Variants in SLC5A12 observed in about 807,000 individuals in gnomAD.
The protein encoded by SLC5A12 is sodium-coupled monocarboxylate transporter 2.
In SLC5A12, 46 loss-of-function variants were observed where a neutral mutation model predicts 72.7. That is an observed-to-expected ratio of 0.63 (90% CI 0.50 to 0.81). The LOEUF is 0.81. Among genes scored for constraint, SLC5A12 ranks in the 30% least tolerant of loss-of-function variants. The pLI, the probability that SLC5A12 is intolerant of heterozygous loss-of-function variation, is 0.00. For missense variants in SLC5A12, 683 were observed against 740.7 expected (o/e 0.92, Z 0.90); for synonymous variants, 275 against 264.4 (o/e 1.04, Z -0.39).
chr11:26,712,641 C>G lies in SLC5A12; in HGVS notation c.405G>C (p.Thr135=). Residue 135 remains threonine, a splice_region_variant and synonymous_variant, in exon 2 of 15, where the codon ACG becomes ACC. Transcript: ENST00000396005. ...YAATVIYIVQ[T]ILYTGVVVYA... ...ATCTGCAGCAGCCATGACCACTTAC[C>G]GTCTGTACAATGTAGATGACCGTGG... is the stretch of plus-strand genomic sequence containing the variant. 1 of 1,545,670 alleles carries G rather than the reference C, an allele frequency of 6.5e-7. No homozygotes were observed. Among genetic ancestry groups the G allele is most frequent in the Non-Finnish European group, 8.8e-7 (1 of 1,132,066 alleles).
chr11:26,680,283 T>TTATATATATGTATATATATTCATA lies in SLC5A12; in HGVS notation c.1475+748_1475+771dup, dbSNP rs199583180. Among the ~76,000 whole-genome samples the TTATATATATGTATATATATTCATA allele has an allele frequency of 2.1e-4, 16 of 74,884 alleles. 1 individual carries two copies. In the East Asian group the frequency reaches 4.5e-3, roughly 21 times the overall value. 49.1% of individuals were successfully genotyped at this position (74,884 alleles called of 152,430 possible). A position where few individuals can be genotyped will look rare whatever the true frequency, so the allele number is the denominator to read the frequency against. On this transcript the variant is annotated intron_variant, in intron 12 of 14. Transcript: ENST00000396005. ...TATTAAAGTCACGTGTAGTGCTACT[T>TTATATATATGTATATATATTCATA]TATATATATGTATATATATTCATAT...
intron 6 of SLC5A12, among the ~76,000 whole-genome samples, chr11:26,700,303 A>G (rs1182228228): frequency 2.6e-5 from 4 of 152,192 alleles, no homozygotes; most frequent in Non-Finnish European, 5.9e-5. Context: ...TTCGTTTCTC[A>G]TTTAAAATGG....
chr11:26,676,225 T>C (rs1016799047), intron 13 of SLC5A12, among the ~76,000 whole-genome samples: 4 of 152,128 alleles, frequency 2.6e-5, no homozygotes, highest in Non-Finnish European at 5.9e-5. Context: ...TTTTTTATGT[T>C]AAGAGATAGA....
Position 26,667,275 on chromosome 11 carries a change from T to G in SLC5A12, c.*3827A>C, listed in dbSNP as rs1854017229. The G allele has an allele frequency of 6.6e-6, 1 of 151,938 alleles. No homozygotes were observed. The highest frequency in any genetic ancestry group is 2.4e-5 in the African/African-American group (1 of 41,436). 9.4% of individuals were successfully genotyped at this position (151,938 alleles called of 1,614,324 possible). On this transcript the variant is annotated 3_prime_UTR_variant, in exon 15 of 15. Transcript: ENST00000396005. Reference sequence around the variant, plus strand: ...AACTTCTGTAATAATTTAAAACAATTTATTTCAAAGGGAACAATTAAGGGG... The same window carrying G: ...AACTTCTGTAATAATTTAAAACAATGTATTTCAAAGGGAACAATTAAGGGG...
At chr11:26,720,781 T>G (rs1481252142) in intron 1 of SLC5A12, among the ~76,000 whole-genome samples, 3 of 142,714 alleles carry the variant, frequency 2.1e-5, no homozygotes, top group Non-Finnish European at 4.6e-5. Flanking sequence ...ATTCCCATAT[T>G]TGTATTATTT....
At chr11:26,673,575 G>A in intron 13 of SLC5A12, 46 bp from the exon 14 acceptor site, 1 of 1,519,324 alleles carries the variant, frequency 6.6e-7, no homozygotes, top group South Asian at 1.4e-5. Context: ...AGGCCTCCAT[G>A]TCTTCCTTTA....
intron 1 of SLC5A12, among the ~76,000 whole-genome samples, chr11:26,717,787 GTC>G (rs1239008844): frequency 2.6e-5 from 4 of 152,168 alleles, no homozygotes; most frequent in African/African-American, 9.6e-5. Context: ...ATGGAGAGAG[GTC>G]TGACATGGCC....
At position 26,698,411 on chromosome 11, in the gene SLC5A12, C is replaced by A. The variant is rs1212324714; in HGVS notation, c.946G>T (p.Asp316Tyr). The A allele has an allele frequency of 6.2e-7, 1 of 1,613,620 alleles. No homozygotes were observed. Among genetic ancestry groups the A allele is most frequent in the Non-Finnish European group, 8.5e-7 (1 of 1,179,840 alleles). The change falls in exon 7 of 15, where the codon GAC becomes TAC. Residue 316 changes from aspartate (D) to tyrosine (Y), a missense_variant. Physicochemically the swap from Asp to Tyr is radical, Grantham distance 160. Coordinates refer to ENST00000396005, the MANE Select transcript of SLC5A12 (RefSeq NM_178498.4). ...PWTSGIISAP[D>Y]QLMPYFVMEI... ...GTCCTCAAGAAAACCCATACCTGGT[C>A]TGGTGCTGAGATGATGCCAGAAGTC...
rs775981214 is a variant in SLC5A12 at position 26,667,034 on chromosome 11, C to T, written c.*4068G>A. On this transcript the variant is annotated 3_prime_UTR_variant, in exon 15 of 15. Transcript: ENST00000396005. ...CCCATTAGTAATTTACTATCAATGACGAGTTACATTTTATTAGTTTATAAA... is the reference window on the plus strand; with the variant it reads ...CCCATTAGTAATTTACTATCAATGATGAGTTACATTTTATTAGTTTATAAA... The T allele has an allele frequency of 1.1e-4, 16 of 151,822 alleles. No individual in the cohort carries two copies. The highest frequency in any genetic ancestry group is 2.9e-4 in the African/African-American group (12 of 41,496). 9.4% of individuals were successfully genotyped at this position (151,822 alleles called of 1,614,324 possible).
At chr11:26,686,987 C>G (rs537143236) in intron 9 of SLC5A12, among the ~76,000 whole-genome samples, 30 of 152,288 alleles carry the variant, frequency 2.0e-4, no homozygotes, top group African/African-American at 6.7e-4. Context: ...ATAATGTCTA[C>G]ACATTCTACC....
chr11:26,671,319 T>C (rs1374346292), intron 14 of SLC5A12, 68 bp from the exon 15 acceptor site: 24 of 1,416,532 alleles, frequency 1.7e-5, no homozygotes, highest in South Asian at 1.6e-4. Flanking sequence ...CCTGAGAGAA[T>C]CTTGTTTAGG....
intron 9 of SLC5A12, among the ~76,000 whole-genome samples, chr11:26,687,239 G>T (rs1854559137): frequency 6.6e-6 from 1 of 151,282 alleles, no homozygotes; most frequent in African/African-American, 2.4e-5. Flanking sequence ...AAAAGTCATT[G>T]TTTTTATACA....
chr11:26,675,625 A>G (rs1290641061), intron 13 of SLC5A12, among the ~76,000 whole-genome samples: 1 of 152,188 alleles, frequency 6.6e-6, no homozygotes, highest in East Asian at 1.9e-4. Context: ...TCATGCTTAT[A>G]GAGGAAATGT....
chr11:26,687,714 G>A (rs1398654420), intron 9 of SLC5A12, among the ~76,000 whole-genome samples: 1 of 152,082 alleles, frequency 6.6e-6, no homozygotes, highest in Admixed American at 6.6e-5. Flanking sequence ...AATGAAATCA[G>A]GCTAGTCATC....
rs937968083 is a variant in SLC5A12 at position 26,671,136 on chromosome 11, T to C, written c.1823A>G (p.Tyr608Cys). ...GGTAGTCTCAAATGCCATATTGTTG[T>C]AGCTTTTGTCCTTAGGATCATAGCC... Reference protein sequence around the residue: ...VPGYDPKDKSYNNMAFETTHF With the variant: ...VPGYDPKDKSCNNMAFETTHF The change falls in exon 15 of 15, where the codon TAC becomes TGC. Residue 608 changes from tyrosine to cysteine, a missense_variant. Physicochemically the swap from Tyr to Cys is radical, Grantham distance 194 (BLOSUM62 -2). Transcript: ENST00000396005. 2 of 1,612,624 alleles carry C rather than the reference T, an allele frequency of 1.2e-6. No homozygotes were observed. Among genetic ancestry groups the C allele is most frequent in the Admixed American group, 1.7e-5 (1 of 59,872 alleles).
At chr11:26,684,564 C>T (rs560546352) in intron 10 of SLC5A12, among the ~76,000 whole-genome samples, 3 of 152,214 alleles carry the variant, frequency 2.0e-5, no homozygotes, top group East Asian at 3.9e-4. Context: ...TCATTTCTTG[C>T]CTATCAACAT....
At chr11:26,677,407 G>A (rs923703074) in intron 13 of SLC5A12, among the ~76,000 whole-genome samples, 2 of 152,034 alleles carry the variant, frequency 1.3e-5, no homozygotes, top group African/African-American at 4.8e-5. Flanking sequence ...GCAAACTACT[G>A]GATTTCATGT....
At chr11:26,688,108 C>A (rs372690250) in intron 9 of SLC5A12, among the ~76,000 whole-genome samples, 16 of 152,300 alleles carry the variant, frequency 1.1e-4, no homozygotes, top group African/African-American at 3.8e-4. Flanking sequence ...ATTCAGTCCT[C>A]CCCACAAAAT....
At chr11:26,673,570 T>C in intron 13 of SLC5A12, 41 bp from the exon 14 acceptor site, 1 of 1,524,886 alleles carries the variant, frequency 6.6e-7, no homozygotes, top group South Asian at 1.3e-5. Context: ...GTTGCAGGCC[T>C]CCATGTCTTC....
Sources: gnomAD v4.1 joint callset for allele counts (sites outside exome capture counted in the v4.1 genomes callset) on GRCh38, gnomAD v4.1.1 for gene constraint, MANE v1.5 for transcripts, NCBI Gene and HGNC (gene_info 2026-07-23, HGNC 2026-07-21) for gene names.